The following CFAP54 variants were observed in gnomAD, a reference collection of about 807,000 sequenced individuals.
CFAP54 encodes cilia- and flagella-associated protein 54.
A neutral mutation model predicts 370.4 loss-of-function variants in CFAP54; 290 were observed. That is an observed-to-expected ratio of 0.78 (90% CI 0.71 to 0.86). The LOEUF is 0.86. CFAP54 is among the 40% of genes least tolerant of loss of function. The pLI is 0.00. For synonymous variants in CFAP54, 1,206 were observed against 1,236.5 expected (o/e 0.98, Z 0.52); for missense variants, 3,399 against 3,528.7 (o/e 0.96, Z 0.93).
rs7974435 is a variant in CFAP54, at chr12:96,685,263, C to A, written c.6014+25C>A. The A allele has an allele frequency of 2.7e-4, 435 of 1,607,816 alleles. 3 individuals are homozygous for A. In the African/African-American group the frequency reaches 4.7e-3, roughly 17 times the overall value. On this transcript the variant is annotated intron_variant, in intron 42 of 67. Transcript: ENST00000524981. The stretch of plus-strand genomic sequence containing the variant: ...AGTGAGTGTGAGGATGGAAGGATCC[C>A]CGTACTAGCTAACAGCTTCCTTGTG...
Position 96,573,861 on chromosome 12 carries a change from C to G in CFAP54, c.2620-2724C>G, listed in dbSNP as rs780989467. ...ACCATGTAACACTTCCCTTCCCATA[C>G]GAAGGAATGGTTGTCTTTGCAGATG... is the stretch of plus-strand genomic sequence containing the variant. On this transcript the variant is annotated intron_variant, in intron 19 of 67. Coordinates refer to ENST00000524981, the MANE Select transcript of CFAP54 (RefSeq NM_001306084.2). 3.3e-5 allele frequency among the ~76,000 whole-genome samples: 5 copies of G among 152,164 alleles called. No homozygotes were observed. In the East Asian group the frequency reaches 9.6e-4, roughly 29 times the overall value.
At chr12:96,752,096 G>C in intron 55 of CFAP54, among the ~76,000 whole-genome samples, 1 of 137,482 alleles carries the variant, frequency 7.3e-6, no homozygotes, top group African/African-American at 2.9e-5. Context: ...GAGAGAGAGA[G>C]AGAGAGAGAG....
chr12:96,720,079 C>G (rs910508949), intron 49 of CFAP54, among the ~76,000 whole-genome samples: 1 of 152,186 alleles, frequency 6.6e-6, no homozygotes, highest in Non-Finnish European at 1.5e-5. Flanking sequence ...CTCCATGTCT[C>G]CCCTAGGAGC....
At chr12:96,656,068 T>C (rs1956919414) in intron 36 of CFAP54, among the ~76,000 whole-genome samples, 1 of 152,198 alleles carries the variant, frequency 6.6e-6, no homozygotes, top group African/African-American at 2.4e-5. Flanking sequence ...GGCTTCATTA[T>C]ATTATTTTCC....
intron 60 of CFAP54, among the ~76,000 whole-genome samples, chr12:96,769,933 C>A (rs73383003): frequency 0.025 from 3,805 of 152,276 alleles, 144 homozygotes; most frequent in African/African-American, 0.083. Flanking sequence ...ACAGAGCAAA[C>A]CTTCCAGCCT....
intron 67 of CFAP54, among the ~76,000 whole-genome samples, chr12:96,873,319 A>C (rs529573444): frequency 6.6e-6 from 1 of 152,226 alleles, no homozygotes; most frequent in Non-Finnish European, 1.5e-5. Flanking sequence ...TTACAACTGT[A>C]TTAGTTAAGA....
chr12:96,625,017 A>G (rs144184565), intron 28 of CFAP54, among the ~76,000 whole-genome samples: 275 of 152,356 alleles, frequency 1.8e-3, no homozygotes, highest in African/African-American at 6.3e-3. Context: ...ACAATGAGCT[A>G]TAACTAGCTA....
chr12:96,718,880 A>G (rs1011921191), intron 49 of CFAP54, among the ~76,000 whole-genome samples: 3 of 152,176 alleles, frequency 2.0e-5, no homozygotes, highest in African/African-American at 7.2e-5. Context: ...CTCTACTAAA[A>G]ATACAAAATT....
intron 55 of CFAP54, among the ~76,000 whole-genome samples, chr12:96,751,427 T>TTATC (rs1958181893): frequency 6.6e-6 from 1 of 152,128 alleles, no homozygotes; most frequent in African/African-American, 2.4e-5. Flanking sequence ...ATTAGTGCCA[T>TTATC]TATCATATTG....
chr12:96,698,639 G>A (rs1475159633), intron 45 of CFAP54, among the ~76,000 whole-genome samples: 1 of 152,124 alleles, frequency 6.6e-6, no homozygotes, highest in Non-Finnish European at 1.5e-5. Context: ...AGGACACATG[G>A]ACACAAAGAA....
Position 96,854,438 on chromosome 12 carries a change from A to G in CFAP54, c.9172-6381A>G, listed in dbSNP as rs1295423685. Among the ~76,000 whole-genome samples the G allele has an allele frequency of 3.3e-5, 5 of 151,748 alleles. No homozygotes were observed. The South Asian group carries it at 6.2e-4, about 19-fold the overall frequency. On this transcript the variant is annotated intron_variant, in intron 66 of 67. Transcript: ENST00000524981. Reference sequence around the variant, plus strand: ...TGGTTGAAATGATAATTGCCCCAACATATTTGGAAAGTAATTCTGGCAATA... The same window carrying G: ...TGGTTGAAATGATAATTGCCCCAACGTATTTGGAAAGTAATTCTGGCAATA...
intron 19 of CFAP54, among the ~76,000 whole-genome samples, chr12:96,576,050 C>T (rs1249720096): frequency 6.6e-6 from 1 of 151,830 alleles, no homozygotes; most frequent in African/African-American, 2.4e-5. Context: ...TGCATATAAC[C>T]TTTTTAAAAA....
chr12:96,550,903 G>T (rs1479912268), intron 15 of CFAP54, among the ~76,000 whole-genome samples: 1 of 152,164 alleles, frequency 6.6e-6, no homozygotes, highest in Non-Finnish European at 1.5e-5. Flanking sequence ...TGAAAGATGG[G>T]GGTTGGAAAG....
intron 40 of CFAP54, among the ~76,000 whole-genome samples, chr12:96,681,944 C>G (rs1326501518): frequency 6.6e-6 from 1 of 152,016 alleles, no homozygotes; most frequent in Non-Finnish European, 1.5e-5. Flanking sequence ...GGAGCCTATC[C>G]ACACATACCT....
intron 63 of CFAP54, among the ~76,000 whole-genome samples, chr12:96,804,015 T>A (rs957761265): frequency 3.9e-5 from 6 of 152,008 alleles, no homozygotes; most frequent in African/African-American, 1.4e-4. Context: ...AGAATATGAA[T>A]GAAAAATTTA....
intron 63 of CFAP54, among the ~76,000 whole-genome samples, chr12:96,794,781 C>T (rs1036545243): frequency 6.6e-6 from 1 of 152,052 alleles, no homozygotes; most frequent in Non-Finnish European, 1.5e-5. Context: ...TGCTGGTGAG[C>T]CAGAGGGATC....
intron 39 of CFAP54, among the ~76,000 whole-genome samples, chr12:96,664,699 A>G (rs1227452081): frequency 1.1e-3 from 9 of 8,218 alleles, no homozygotes; most frequent in African/African-American, 4.4e-3. Flanking sequence ...GTATATATCT[A>G]TATATATATA....
chr12:96,740,166 A>G, intron 51 of CFAP54, 105 bp downstream of exon 51: 1 of 659,308 alleles, frequency 1.5e-6, no homozygotes, highest in Non-Finnish European at 2.6e-6. Context: ...AGTAAAGTAG[A>G]AAAAACATTG....
chr12:96,491,885 G>C (rs1314627207), intron 1 of CFAP54, among the ~76,000 whole-genome samples: 1 of 152,062 alleles, frequency 6.6e-6, no homozygotes, highest in Non-Finnish European at 1.5e-5. Flanking sequence ...TCAGCCTTCT[G>C]AGTAGCTGGG....
Sources: allele counts gnomAD v4.1 joint callset (sites outside exome capture counted in the v4.1 genomes callset), GRCh38; gene constraint gnomAD v4.1.1; transcripts MANE v1.5; gene names NCBI Gene and HGNC (gene_info 2026-07-23, HGNC 2026-07-21).